AMOTL1: variants seen among roughly 807,000 people sequenced by gnomAD.
The protein encoded by AMOTL1 is angiomotin like 1.
A neutral mutation model predicts 102.9 loss-of-function variants in AMOTL1; 45 were observed. The observed-to-expected ratio is 0.44, with a 90% CI of 0.34 to 0.56. AMOTL1 has a LOEUF of 0.56. Among genes scored for constraint, AMOTL1 ranks in the 20% least tolerant of loss-of-function variants. The pLI, the probability that AMOTL1 is intolerant of heterozygous loss-of-function variation, is 0.01. For synonymous variants in AMOTL1, 481 were observed against 484.7 expected, an observed-to-expected ratio of 0.99 and a Z score of 0.10; for missense variants, 1,114 against 1,225.6, an observed-to-expected ratio of 0.91 and a Z score of 1.36.
In AMOTL1 at chr11:94,853,935, A is replaced by G; in HGVS notation, c.1797A>G (p.Leu599=). ...QARVIKLEEE[L]REKQAYVEKV... is the part of the protein sequence containing the mutation. Reference sequence around the variant, plus strand: ...CTTTTTTACTCTTCTCCACTCAGTTACGAGAGAAGCAAGCATATGTTGAGA... The same window carrying G: ...CTTTTTTACTCTTCTCCACTCAGTTGCGAGAGAAGCAAGCATATGTTGAGA... The change falls in exon 8 of 13, where the codon TTA becomes TTG. Residue 599 remains leucine (L), a splice_region_variant and synonymous_variant. Transcript: ENST00000433060. The G allele has an allele frequency of 6.2e-7, 1 of 1,608,294 alleles. No individual in the cohort carries two copies. Among genetic ancestry groups the G allele is most frequent in the East Asian group, 2.2e-5 (1 of 44,758 alleles).
At chr11:94,714,376 C>A (rs913037709) in intron 1 of AMOTL1, among the ~76,000 whole-genome samples, 11 of 151,950 alleles carry the variant, frequency 7.2e-5, no homozygotes, top group African/African-American at 2.4e-4. Flanking sequence ...GGTTTCATAT[C>A]AAGGTAGTAC....
intron 3 of AMOTL1, among the ~76,000 whole-genome samples, chr11:94,755,948 C>G (rs905259294): frequency 6.6e-6 from 1 of 152,140 alleles, no homozygotes; most frequent in Non-Finnish European, 1.5e-5. Context: ...AATTGGATCA[C>G]ACGTGGGCTT....
chr11:94,808,705 G>T (rs1046366233), intron 3 of AMOTL1, among the ~76,000 whole-genome samples: 1 of 152,162 alleles, frequency 6.6e-6, no homozygotes, highest in Non-Finnish European at 1.5e-5. Flanking sequence ...ATGGTCTAGA[G>T]CAGCTCTCAC....
chr11:94,773,106 A>G (rs1465905621), intron 1 of AMOTL1, among the ~76,000 whole-genome samples: 1 of 152,236 alleles, frequency 6.6e-6, no homozygotes, highest in African/African-American at 2.4e-5. Flanking sequence ...TATATATTCT[A>G]GATGCAAGTC....
At chr11:94,733,484 C>G (rs533858483) in intron 2 of AMOTL1, among the ~76,000 whole-genome samples, 1 of 152,226 alleles carries the variant, frequency 6.6e-6, no homozygotes, top group African/African-American at 2.4e-5. Context: ...TTCTACCACC[C>G]ACACTATGCT....
intron 1 of AMOTL1, among the ~76,000 whole-genome samples, chr11:94,771,263 G>GA (rs1555067563): frequency 2.3e-4 from 33 of 146,632 alleles, no homozygotes; most frequent in Non-Finnish European, 4.3e-4. Flanking sequence ...CGGGGTTGGG[G>GA]GGGGGGTGCG....
At chr11:94,738,731 T>C (rs1950473582) in intron 2 of AMOTL1, among the ~76,000 whole-genome samples, 1 of 151,992 alleles carries the variant, frequency 6.6e-6, no homozygotes, top group Non-Finnish European at 1.5e-5. Flanking sequence ...CTAAAGTCCA[T>C]AAGGAAGGAA....
At chr11:94,868,708 G>A (rs941248504) in intron 11 of AMOTL1, among the ~76,000 whole-genome samples, 53 of 152,220 alleles carry the variant, frequency 3.5e-4, no homozygotes, top group African/African-American at 1.1e-3. Context: ...GTCTAGGACC[G>A]GGGAAGCCTT....
chr11:94,737,456 C>A (rs1950452954), intron 2 of AMOTL1, among the ~76,000 whole-genome samples: 1 of 152,200 alleles, frequency 6.6e-6, no homozygotes, highest in Non-Finnish European at 1.5e-5. Flanking sequence ...TACAGTGTGA[C>A]ACTCTCTCTC....
intron 2 of AMOTL1, among the ~76,000 whole-genome samples, chr11:94,730,273 A>G (rs1021502198): frequency 6.6e-6 from 1 of 152,078 alleles, no homozygotes; most frequent in Non-Finnish European, 1.5e-5. Flanking sequence ...TTCTCACTGT[A>G]TCAGCCTCTT....
intron 3 of AMOTL1, among the ~76,000 whole-genome samples, chr11:94,809,802 A>C (rs1951639069): frequency 1.3e-5 from 2 of 152,226 alleles, no homozygotes; most frequent in South Asian, 4.1e-4. Context: ...TTATTTATTA[A>C]AAATTTACTT....
intron 2 of AMOTL1, among the ~76,000 whole-genome samples, chr11:94,798,730 T>C (rs938864196): frequency 2.0e-5 from 3 of 151,768 alleles, no homozygotes; most frequent in Admixed American, 6.6e-5. Flanking sequence ...AGATGGTGCA[T>C]AGAGAGAGGC....
At chr11:94,768,213 A>G, upstream of AMOTL1, 1 of 1,046,792 alleles carries the variant, frequency 9.6e-7, no homozygotes, top group Non-Finnish European at 1.2e-6. Flanking sequence ...CGGCCCGGGG[A>G]GGGGCGGCGG....
At position 94,728,990 on chromosome 11, in the gene AMOTL1, G is replaced by A; in HGVS notation, c.20G>A (p.Trp7Ter). 7.8e-7 allele frequency: 1 copy of A among 1,289,072 alleles called. No homozygotes were observed. Among genetic ancestry groups the A allele is most frequent in the Non-Finnish European group, 1.0e-6 (1 of 988,664 alleles). The allele number at this position is 1,289,072 out of a possible 1,614,324, so 79.9% of individuals were successfully genotyped here. A position where few individuals can be genotyped will look rare whatever the true frequency, so the allele number is the denominator to read the frequency against. ...AGAAGCATGGACCTCAGTGAAAAATGGACTTTGGAGGAAGGAGCCTGGTTA... is the reference window on the plus strand; with the variant it reads ...AGAAGCATGGACCTCAGTGAAAAATAGACTTTGGAGGAAGGAGCCTGGTTA... The change falls in exon 2 of 5, where the codon TGG becomes TAG. Residue 7 changes from tryptophan to a stop codon, truncating the protein, a stop_gained. Transcript: ENST00000299004. LOFTEE classifies it high-confidence loss of function.
intron 3 of AMOTL1, among the ~76,000 whole-genome samples, chr11:94,751,679 T>C (rs1472932241): frequency 6.8e-6 from 1 of 146,372 alleles, no homozygotes; most frequent in African/African-American, 2.6e-5. Flanking sequence ...ATTCTGAAGA[T>C]AAATGGTTAT....
At chr11:94,848,118 G>A (rs1952455896) in intron 6 of AMOTL1, among the ~76,000 whole-genome samples, 2 of 152,266 alleles carry the variant, frequency 1.3e-5, no homozygotes, top group African/African-American at 4.8e-5. Flanking sequence ...AGGGTTAGGT[G>A]GTCAAATATC....
intron 2 of AMOTL1, among the ~76,000 whole-genome samples, chr11:94,736,732 G>A (rs1488256823): frequency 6.6e-6 from 1 of 152,178 alleles, no homozygotes; most frequent in Non-Finnish European, 1.5e-5. Flanking sequence ...CTTGTGCACT[G>A]TTTATTATAA....
intron 6 of AMOTL1, among the ~76,000 whole-genome samples, chr11:94,848,111 G>A (rs1592030371): frequency 6.6e-6 from 1 of 152,148 alleles, no homozygotes; most frequent in African/African-American, 2.4e-5. Context: ...CAAACCTAGG[G>A]TTAGGTGGTC....
intron 2 of AMOTL1, among the ~76,000 whole-genome samples, chr11:94,740,785 C>T (rs927871218): frequency 1.3e-5 from 2 of 152,176 alleles, no homozygotes; most frequent in African/African-American, 2.4e-5. Flanking sequence ...ATCTGGCGGT[C>T]TGAATCCCGC....
Sources: gnomAD v4.1 joint callset for allele counts (sites outside exome capture counted in the v4.1 genomes callset) on GRCh38, gnomAD v4.1.1 for gene constraint, MANE v1.5 for transcripts, NCBI Gene and HGNC (gene_info 2026-07-23, HGNC 2026-07-21) for gene names.